Variants in CDK8 observed in about 807,000 individuals in gnomAD.
CDK8 encodes cyclin-dependent kinase 8.
A neutral mutation model predicts 71.5 loss-of-function variants in CDK8; 29 were observed. That is an observed-to-expected ratio of 0.41 (90% CI 0.30 to 0.55). The LOEUF (loss-of-function observed/expected upper bound fraction) is 0.55, where lower values mean the gene tolerates loss of function less well. Ranked by LOEUF, CDK8 falls within the 20% of genes least tolerant of loss-of-function variation. The probability of loss-of-function intolerance (pLI) is 0.37; values close to 1 mark genes in which losing one functional copy is unlikely to be tolerated. For synonymous variants in CDK8, 161 were observed against 192.1 expected (o/e 0.84, Z 1.34); for missense variants, 288 against 572.6 (o/e 0.50, Z 5.07).
intron 1 of CDK8, among the ~76,000 whole-genome samples, chr13:26,276,711 A>G (rs1266611248): frequency 1.3e-5 from 2 of 152,156 alleles, no homozygotes; most frequent in Non-Finnish European, 2.9e-5. Flanking sequence ...ATAGCAACCT[A>G]TGGTTGTTTC....
intron 1 of CDK8, among the ~76,000 whole-genome samples, chr13:26,256,505 G>A (rs1222054024): frequency 2.0e-5 from 3 of 152,104 alleles, no homozygotes; most frequent in Admixed American, 2.0e-4. Context: ...AGAGAAGCCG[G>A]TTCTGTTTTC....
chr13:26,368,959 A>G (rs1874522928), intron 4 of CDK8, among the ~76,000 whole-genome samples: 2 of 151,906 alleles, frequency 1.3e-5, no homozygotes, highest in South Asian at 4.1e-4. Flanking sequence ...TTCATTCACT[A>G]GTAGATTCCG....
At chr13:26,394,086 C>G (rs971862239) in intron 7 of CDK8, among the ~76,000 whole-genome samples, 79 of 152,168 alleles carry the variant, frequency 5.2e-4, no homozygotes, top group African/African-American at 1.8e-3. Context: ...GTATCCTATC[C>G]CTGGTATTAG....
chr13:26,277,412 T>C (rs930950797), intron 1 of CDK8, among the ~76,000 whole-genome samples: 10 of 152,202 alleles, frequency 6.6e-5, no homozygotes, highest in Admixed American at 3.9e-4. Flanking sequence ...ACTGTACTTA[T>C]TGGATACTGG....
intron 1 of CDK8, among the ~76,000 whole-genome samples, chr13:26,274,670 A>T (rs574597059): frequency 1.6e-3 from 238 of 152,112 alleles, no homozygotes; most frequent in Non-Finnish European, 2.5e-3. Context: ...TGACCTCGTG[A>T]TCCGCCCGGC....
At chr13:26,371,088 T>A (rs967135008) in intron 4 of CDK8, among the ~76,000 whole-genome samples, 1 of 151,966 alleles carries the variant, frequency 6.6e-6, no homozygotes, top group African/African-American at 2.4e-5. Flanking sequence ...CATGCATGAG[T>A]CCCATCCCCT....
At chr13:26,274,061 A>G (rs897195605) in intron 1 of CDK8, among the ~76,000 whole-genome samples, 22 of 152,156 alleles carry the variant, frequency 1.4e-4, no homozygotes, top group African/African-American at 4.8e-4. Context: ...TCACTTTTTC[A>G]TTACATTTAA....
At chr13:26,277,604 C>G (rs746773278) in intron 1 of CDK8, among the ~76,000 whole-genome samples, 15 of 152,070 alleles carry the variant, frequency 9.9e-5, no homozygotes, top group Non-Finnish European at 1.0e-4. Context: ...GGTGTTTCAA[C>G]TTGGAAGTTA....
At chr13:26,333,418 G>T (rs1290620871) in intron 1 of CDK8, among the ~76,000 whole-genome samples, 6 of 152,108 alleles carry the variant, frequency 3.9e-5, no homozygotes, top group Non-Finnish European at 5.9e-5. Context: ...GGGATTACAG[G>T]TGTGAGCCAC....
intron 3 of CDK8, among the ~76,000 whole-genome samples, chr13:26,352,451 C>T (rs1325122379): frequency 1.3e-5 from 2 of 152,114 alleles, no homozygotes; most frequent in East Asian, 3.9e-4. Context: ...CTCCTGACCT[C>T]GTGATCCACC....
intron 1 of CDK8, among the ~76,000 whole-genome samples, chr13:26,329,169 G>A (rs1875171334): frequency 6.6e-6 from 1 of 152,064 alleles, no homozygotes; most frequent in South Asian, 2.1e-4. Flanking sequence ...TTTAAATAGA[G>A]TTTTAGGAAG....
intron 1 of CDK8, among the ~76,000 whole-genome samples, chr13:26,309,527 G>A (rs920550083): frequency 1.3e-5 from 2 of 152,166 alleles, no homozygotes; most frequent in South Asian, 2.1e-4. Context: ...CATTTCATAT[G>A]TATGGCTTTT....
chr13:26,269,471 GGAA>G (rs2137867343), intron 1 of CDK8, among the ~76,000 whole-genome samples: 1 of 152,138 alleles, frequency 6.6e-6, no homozygotes, highest in African/African-American at 2.4e-5. Flanking sequence ...AGCTAAATTC[GGAA>G]GTAAGTAAAA....
chr13:26,289,876 A>C (rs1873216280), intron 1 of CDK8, among the ~76,000 whole-genome samples: 1 of 152,162 alleles, frequency 6.6e-6, no homozygotes, highest in Non-Finnish European at 1.5e-5. Flanking sequence ...TTATTTTTTA[A>C]GGATTCATCT....
intron 2 of CDK8, among the ~76,000 whole-genome samples, chr13:26,344,418 G>C (rs998750519): frequency 1.3e-5 from 2 of 152,200 alleles, no homozygotes; most frequent in East Asian, 3.9e-4. Flanking sequence ...ACAGGGTCAG[G>C]ATCATGAATA....
chr13:26,328,350 T>C (rs1180612651), intron 1 of CDK8, among the ~76,000 whole-genome samples: 1 of 152,246 alleles, frequency 6.6e-6, no homozygotes, highest in Admixed American at 6.5e-5. Flanking sequence ...CATGTCTTTT[T>C]CCATGAAAGA....
chr13:26,347,074 T>C (rs1873489971), intron 2 of CDK8, among the ~76,000 whole-genome samples: 1 of 152,190 alleles, frequency 6.6e-6, no homozygotes, highest in Non-Finnish European at 1.5e-5. Flanking sequence ...CTTTTTCTTG[T>C]TGTTGCAGTT....
chr13:26,329,311 G>C (rs1875178406), intron 1 of CDK8, among the ~76,000 whole-genome samples: 3 of 151,606 alleles, frequency 2.0e-5, no homozygotes, highest in Non-Finnish European at 4.4e-5. Flanking sequence ...TTTTCATCAT[G>C]GTCCCATCCT....
chr13:26,300,290 A>G (rs1306081180), intron 1 of CDK8, among the ~76,000 whole-genome samples: 3 of 152,158 alleles, frequency 2.0e-5, no homozygotes, highest in Non-Finnish European at 4.4e-5. Context: ...GATAACCAAG[A>G]CAGCTACTAA....
Sources: gnomAD v4.1 joint callset for allele counts (sites outside exome capture counted in the v4.1 genomes callset) on GRCh38, gnomAD v4.1.1 for gene constraint, MANE v1.5 for transcripts, NCBI Gene and HGNC (gene_info 2026-07-23, HGNC 2026-07-21) for gene names.